MYLK: variants seen among roughly 807,000 people sequenced by gnomAD.
The protein encoded by MYLK is myosin light chain kinase, also known as myosin light chain kinase, smooth muscle.
In MYLK, 106 loss-of-function variants were observed where a neutral mutation model predicts 203.4. That is an observed-to-expected ratio of 0.52 (90% CI 0.45 to 0.61). MYLK has a LOEUF of 0.61. Ranked by LOEUF, MYLK falls within the 20% of genes least tolerant of loss-of-function variation. The probability of loss-of-function intolerance (pLI) is 0.00; values close to 1 mark genes in which losing one functional copy is unlikely to be tolerated. For synonymous variants in MYLK, 867 were observed against 959.5 expected (o/e 0.90, Z 1.78); for missense variants, 2,072 against 2,442.3 (o/e 0.85, Z 3.20).
chr3:123,820,878 C>T (rs1317595364), intron 3 of MYLK, among the ~76,000 whole-genome samples: 3 of 152,030 alleles, frequency 2.0e-5, no homozygotes, highest in Non-Finnish European at 4.4e-5. Flanking sequence ...TGTGCACCAC[C>T]ACACCTGGCT....
At chr3:123,737,813 C>T (rs1560154403) in intron 7 of MYLK, among the ~76,000 whole-genome samples, 4 of 152,176 alleles carry the variant, frequency 2.6e-5, no homozygotes, top group Non-Finnish European at 2.9e-5. Context: ...GGTAGGAAAT[C>T]CCATATTCCT....
intron 3 of MYLK, among the ~76,000 whole-genome samples, chr3:123,809,666 A>G (rs1291813867): frequency 6.6e-6 from 1 of 152,208 alleles, no homozygotes; most frequent in African/African-American, 2.4e-5. Flanking sequence ...CAGACACACT[A>G]TCCTAAACCT....
At chr3:123,668,323 C>G (rs2059805018) in intron 20 of MYLK, among the ~76,000 whole-genome samples, 1 of 152,044 alleles carries the variant, frequency 6.6e-6, no homozygotes, top group South Asian at 2.1e-4. Flanking sequence ...TTGATGCCAC[C>G]AATAAAAAGG....
Position 123,732,998 on chromosome 3 carries a change from G to A in MYLK, c.1414C>T (p.Leu472Phe), listed in dbSNP as rs1341622396. 10 of 1,614,106 alleles carry A rather than the reference G, an allele frequency of 6.2e-6. No homozygotes were observed. In the East Asian group the frequency reaches 1.6e-4, roughly 25 times the overall value. Residue 472 changes from leucine (L) to phenylalanine (F), a missense_variant, in exon 11 of 34, where the codon CTC becomes TTC. Physicochemically the swap from Leu to Phe is conservative, Grantham distance 22. This residue lies in a region of MYLK where 683 missense variants were observed against 643.8 expected (regional missense o/e 1.06). Transcript: ENST00000360304. ...EVYEDAGSHYLCLLKARTRDS... is the reference protein window; with the variant it reads ...EVYEDAGSHYFCLLKARTRDS... ...CTGGTCCGGGCTTTCAGCAGGCAGA[G>A]GTAATGGGAGCCAGCATCTTCATAA...
chr3:123,819,419 T>C (rs1021597778), intron 3 of MYLK, among the ~76,000 whole-genome samples: 2 of 152,110 alleles, frequency 1.3e-5, no homozygotes, highest in Non-Finnish European at 2.9e-5. Flanking sequence ...TACAGGAAAA[T>C]GATGATGTTC....
In MYLK at chr3:123,614,412, T is replaced by C. The variant is rs1008424551; in HGVS notation, c.5501-63A>G. On this transcript the variant is annotated intron_variant, in intron 33 of 33. Transcript: ENST00000360304. ...TTATTCAAAATTTCTTATCAACTCATGCAAGCAACTTGTAAGCTACCACTA... is the reference window on the plus strand; with the variant it reads ...TTATTCAAAATTTCTTATCAACTCACGCAAGCAACTTGTAAGCTACCACTA... 5 of 1,603,304 alleles carry C rather than the reference T, an allele frequency of 3.1e-6. No individual in the cohort carries two copies. The African/African-American group carries it at 5.4e-5, about 17-fold the overall frequency.
At chr3:123,641,543 TGAAA>T (rs1293207769) in intron 27 of MYLK, among the ~76,000 whole-genome samples, 1 of 150,996 alleles carries the variant, frequency 6.6e-6, no homozygotes, top group Admixed American at 6.6e-5. Context: ...GTCTCAAAAG[TGAAA>T]GAAAGGAAAG....
At chr3:123,822,164 T>C (rs114171351) in intron 3 of MYLK, among the ~76,000 whole-genome samples, 2,676 of 152,322 alleles carry the variant, frequency 0.018, 35 homozygotes, top group Non-Finnish European at 0.028. Context: ...CCTCCAGAAC[T>C]GTAAGAAATA....
At position 123,752,312 on chromosome 3, in the gene MYLK, C is replaced by T. The variant is rs531083255; in HGVS notation, c.373+19G>A. The T allele has an allele frequency of 1.5e-4, 238 of 1,613,346 alleles. 1 individual carries two copies. In the South Asian group the frequency reaches 2.5e-3, roughly 17 times the overall value. ...TGAGAGCTCAGCTCCCTCCTGGACT[C>T]GGGCCTCCTGGGACTCACCTTCTAC... is the stretch of plus-strand genomic sequence containing the variant. On this transcript the variant is annotated intron_variant, in intron 5 of 33. Transcript: ENST00000360304.
At chr3:123,830,370 C>G (rs2066281559) in intron 3 of MYLK, among the ~76,000 whole-genome samples, 1 of 152,136 alleles carries the variant, frequency 6.6e-6, no homozygotes. Flanking sequence ...ATATTAGAGT[C>G]CAACCTTATA....
At chr3:123,666,014 C>T (rs113995006) in intron 22 of MYLK, among the ~76,000 whole-genome samples, 30 of 152,258 alleles carry the variant, frequency 2.0e-4, no homozygotes, top group African/African-American at 6.3e-4. Flanking sequence ...TCTACAAAGG[C>T]GGGGATTATT....
At chr3:123,747,324 TAGTC>T (rs1204627586) in intron 5 of MYLK, among the ~76,000 whole-genome samples, 1 of 152,046 alleles carries the variant, frequency 6.6e-6, no homozygotes, top group Non-Finnish European at 1.5e-5. Context: ...CTCTCTCACA[TAGTC>T]AGAGCCTCGG....
At chr3:123,631,499 A>G (rs746834632) in intron 29 of MYLK, among the ~76,000 whole-genome samples, 12 of 152,082 alleles carry the variant, frequency 7.9e-5, no homozygotes, top group Non-Finnish European at 1.6e-4. Context: ...TTATGAATCC[A>G]TCATCATAAG....
intron 4 of MYLK, among the ~76,000 whole-genome samples, chr3:123,784,235 C>G (rs966804549): frequency 1.3e-5 from 2 of 152,174 alleles, no homozygotes; most frequent in African/African-American, 4.8e-5. Context: ...ATTGCCAGCT[C>G]TCATTTGTAA....
intron 30 of MYLK, among the ~76,000 whole-genome samples, chr3:123,628,568 G>T (rs1221928209): frequency 6.6e-6 from 1 of 152,148 alleles, no homozygotes; most frequent in African/African-American, 2.4e-5. Flanking sequence ...TGCAGAGTGG[G>T]TGAGCTGCCC....
intron 3 of MYLK, among the ~76,000 whole-genome samples, chr3:123,812,881 G>A (rs369136423): frequency 6.6e-6 from 1 of 152,218 alleles, no homozygotes; most frequent in East Asian, 1.9e-4. Flanking sequence ...GGGCACTCAG[G>A]GTCACACCAA....
intron 3 of MYLK, among the ~76,000 whole-genome samples, chr3:123,814,837 G>A (rs1194531333): frequency 2.0e-5 from 3 of 151,988 alleles, no homozygotes; most frequent in African/African-American, 7.3e-5. Context: ...CTGTTACCCA[G>A]GCTGGAGTAC....
chr3:123,655,350 G>A (rs1279924674), intron 24 of MYLK, among the ~76,000 whole-genome samples: 1 of 152,020 alleles, frequency 6.6e-6, no homozygotes, highest in East Asian at 1.9e-4. Flanking sequence ...TCCTGGTACT[G>A]CAAGTTCCTT....
intron 4 of MYLK, among the ~76,000 whole-genome samples, chr3:123,776,029 C>T (rs963110660): frequency 2.6e-5 from 4 of 152,326 alleles, no homozygotes; most frequent in Admixed American, 6.5e-5. Flanking sequence ...CCCCAGCAGA[C>T]GCCATTACCG....
Sources: allele counts gnomAD v4.1 joint callset (sites outside exome capture counted in the v4.1 genomes callset), GRCh38; gene constraint gnomAD v4.1.1; regional missense constraint gnomAD v4.1.1; transcripts MANE v1.5; gene names NCBI Gene and HGNC (gene_info 2026-07-23, HGNC 2026-07-21).